The following DGKI variants were observed in gnomAD, a reference collection of about 807,000 sequenced individuals.
DGKI encodes diacylglycerol kinase iota.
Under a neutral mutation model 147.5 loss-of-function variants are expected in DGKI, and 55 were observed. The ratio of observed to expected loss-of-function variants is 0.37; its 90% CI spans 0.30 to 0.47. The LOEUF (loss-of-function observed/expected upper bound fraction) is 0.47, where lower values mean the gene tolerates loss of function less well. DGKI is among the 20% of genes least tolerant of loss of function. The probability of loss-of-function intolerance (pLI) is 1.00; values close to 1 mark genes in which losing one functional copy is unlikely to be tolerated. For missense variants in DGKI, 1,007 were observed against 1,323.8 expected (o/e 0.76, Z 3.71); for synonymous variants, 469 against 477.1 (o/e 0.98, Z 0.22).
intron 1 of DGKI, among the ~76,000 whole-genome samples, chr7:137,835,628 C>G (rs542752976): frequency 6.6e-6 from 1 of 152,126 alleles, no homozygotes; most frequent in South Asian, 2.1e-4. Context: ...TATACCATCA[C>G]ACTTGTAGTT....
chr7:137,756,438 TG>T (rs1795684652), intron 1 of DGKI, among the ~76,000 whole-genome samples: 1 of 152,246 alleles, frequency 6.6e-6, no homozygotes, highest in Admixed American at 6.5e-5. Flanking sequence ...AGGTTATTTT[TG>T]TAAGACATGA....
chr7:137,394,544 C>T (rs1297478625), intron 32 of DGKI, among the ~76,000 whole-genome samples: 3 of 152,142 alleles, frequency 2.0e-5, no homozygotes, highest in Admixed American at 6.5e-5. Flanking sequence ...CTTGGGTGCT[C>T]TCTATAAACT....
At chr7:137,828,778 G>A (rs941077025) in intron 1 of DGKI, among the ~76,000 whole-genome samples, 2 of 152,110 alleles carry the variant, frequency 1.3e-5, no homozygotes, top group Non-Finnish European at 2.9e-5. Flanking sequence ...AGGAATCAGG[G>A]GAGCCACAGT....
chr7:137,718,931 A>G (rs1010745886), intron 1 of DGKI, among the ~76,000 whole-genome samples: 1 of 152,208 alleles, frequency 6.6e-6, no homozygotes, highest in African/African-American at 2.4e-5. Flanking sequence ...ACTTCTGTGT[A>G]AAATATACAA....
At chr7:137,678,955 G>A (rs754112112) in intron 2 of DGKI, among the ~76,000 whole-genome samples, 4 of 152,144 alleles carry the variant, frequency 2.6e-5, no homozygotes, top group Non-Finnish European at 4.4e-5. Flanking sequence ...TAAATAGTTC[G>A]ATGTCAAACC....
intron 5 of DGKI, among the ~76,000 whole-genome samples, chr7:137,650,853 G>A (rs1822000524): frequency 6.6e-6 from 1 of 152,168 alleles, no homozygotes; most frequent in Admixed American, 6.5e-5. Context: ...TTGAACTGAG[G>A]CCTAACTGTA....
intron 32 of DGKI, among the ~76,000 whole-genome samples, chr7:137,392,315 T>C (rs1482171873): frequency 6.6e-6 from 1 of 152,088 alleles, no homozygotes; most frequent in Non-Finnish European, 1.5e-5. Flanking sequence ...GTCCATTCTT[T>C]TGAATGCCTG....
At chr7:137,487,461 G>C (rs1031793875) in intron 22 of DGKI, 149 bp downstream of exon 22, 2 of 715,340 alleles carry the variant, frequency 2.8e-6, no homozygotes, top group African/African-American at 3.5e-5. Context: ...GTGGGAGAGG[G>C]TGACATACAG....
At chr7:137,418,647 T>C (rs1422920318) in intron 28 of DGKI, among the ~76,000 whole-genome samples, 20 of 54,586 alleles carry the variant, frequency 3.7e-4, no homozygotes, top group African/African-American at 1.3e-3. Flanking sequence ...TATTCAGTTA[T>C]TTTTTTAGTT....
intron 6 of DGKI, 65 bp from the exon 7 acceptor site, chr7:137,623,619 C>G: frequency 1.4e-6 from 2 of 1,412,692 alleles, no homozygotes; most frequent in Non-Finnish European, 2.0e-6. Context: ...CATTTGCCCT[C>G]CTGAAGTGCA....
intron 26 of DGKI, among the ~76,000 whole-genome samples, chr7:137,465,039 T>C (rs950622943): frequency 3.3e-5 from 5 of 152,224 alleles, no homozygotes; most frequent in African/African-American, 4.8e-5. Context: ...TTTTTAATTA[T>C]TGAAATAACT....
chr7:137,694,484 C>T (rs970970091), intron 1 of DGKI, among the ~76,000 whole-genome samples: 1 of 152,144 alleles, frequency 6.6e-6, no homozygotes, highest in Non-Finnish European at 1.5e-5. Context: ...CTTGCCAGCT[C>T]CCTCTCTGGG....
At chr7:137,749,793 C>A (rs531679746) in intron 1 of DGKI, among the ~76,000 whole-genome samples, 5 of 152,010 alleles carry the variant, frequency 3.3e-5, no homozygotes, top group Admixed American at 6.6e-5. Context: ...GATCTTCTTC[C>A]AATCACATCC....
chr7:137,647,090 T>C (rs1289388801), intron 5 of DGKI, among the ~76,000 whole-genome samples: 1 of 152,216 alleles, frequency 6.6e-6, no homozygotes, highest in Non-Finnish European at 1.5e-5. Context: ...CAAGCTTAGA[T>C]TGTCCTAAGA....
At chr7:137,565,576 G>C (rs1167317079) in intron 19 of DGKI, among the ~76,000 whole-genome samples, 1 of 152,040 alleles carries the variant, frequency 6.6e-6, no homozygotes, top group Admixed American at 6.6e-5. Flanking sequence ...TTAACAAAAA[G>C]AAAGCTGGAC....
In DGKI at chr7:137,702,767, C is replaced by T. The variant is rs572645251; in HGVS notation, c.402-12765G>A. Among the ~76,000 whole-genome samples, 131 of 152,310 alleles carry T rather than the reference C, an allele frequency of 8.6e-4. 1 individual carries two copies. The Middle Eastern group carries it at 0.014, about 16-fold the overall frequency. ...AACTGTCGTAATGTGCCATGTCTGACATTCTCTGAAAACCCCCATTCCATG... is the reference window on the plus strand; with the variant it reads ...AACTGTCGTAATGTGCCATGTCTGATATTCTCTGAAAACCCCCATTCCATG... On this transcript the variant is annotated intron_variant, in intron 1 of 32. Transcript: ENST00000614521.
chr7:137,482,612 C>T (rs1815411157), intron 23 of DGKI, among the ~76,000 whole-genome samples: 1 of 151,994 alleles, frequency 6.6e-6, no homozygotes, highest in African/African-American at 2.4e-5. Context: ...ATTTCCTATG[C>T]CTCCAACTCA....
intron 1 of DGKI, among the ~76,000 whole-genome samples, chr7:137,762,653 T>C (rs1795893853): frequency 6.6e-6 from 1 of 152,162 alleles, no homozygotes; most frequent in Non-Finnish European, 1.5e-5. Flanking sequence ...ACCATTCAAG[T>C]ATCACCTTCT....
intron 29 of DGKI, among the ~76,000 whole-genome samples, chr7:137,409,083 T>C (rs1222887767): frequency 6.6e-6 from 1 of 152,150 alleles, no homozygotes; most frequent in Non-Finnish European, 1.5e-5. Context: ...ATTAAATAGT[T>C]TTAAATAGCT....
Sources: gnomAD v4.1 joint callset for allele counts (sites outside exome capture counted in the v4.1 genomes callset) on GRCh38, gnomAD v4.1.1 for gene constraint, MANE v1.5 for transcripts, NCBI Gene and HGNC (gene_info 2026-07-23, HGNC 2026-07-21) for gene names.